Variants in HERC4 observed in about 807,000 individuals in gnomAD.
HERC4 encodes probable E3 ubiquitin-protein ligase HERC4.
A neutral mutation model predicts 124.3 loss-of-function variants in HERC4; 28 were observed. The ratio of observed to expected loss-of-function variants is 0.23; its 90% CI spans 0.17 to 0.31. HERC4 has a LOEUF of 0.31. Among genes scored for constraint, HERC4 ranks in the 10% least tolerant of loss-of-function variants. The pLI is 1.00. For synonymous variants in HERC4, 407 were observed against 421.5 expected (o/e 0.97, Z 0.42); for missense variants, 713 against 1,229.3 (o/e 0.58, Z 6.28).
chr10:68,017,045 T>C (rs1214541486), intron 8 of HERC4, among the ~76,000 whole-genome samples: 1 of 152,168 alleles, frequency 6.6e-6, no homozygotes, highest in Non-Finnish European at 1.5e-5. Context: ...TTGGGCTGTA[T>C]ATTATATTCC....
intron 23 of HERC4, among the ~76,000 whole-genome samples, chr10:67,927,430 A>ATATATATT (rs1564911511): frequency 1.6e-4 from 6 of 37,880 alleles, no homozygotes; most frequent in East Asian, 7.2e-4. Context: ...ATATATATAT[A>ATATATATT]TTTTTTTTTT....
chr10:68,065,658 G>A (rs952119661), intron 3 of HERC4, among the ~76,000 whole-genome samples: 1 of 152,012 alleles, frequency 6.6e-6, no homozygotes, highest in Non-Finnish European at 1.5e-5. Flanking sequence ...GGATCACTTC[G>A]AGACCAGCTT....
intron 1 of HERC4, chr10:68,074,203 G>A (rs1270477866): frequency 6.6e-6 from 1 of 152,136 alleles, no homozygotes; most frequent in Non-Finnish European, 1.5e-5. Context: ...CTATACATAC[G>A]TAGACTTTTA....
At chr10:68,011,242 G>C (rs990997404) in intron 9 of HERC4, among the ~76,000 whole-genome samples, 10 of 152,156 alleles carry the variant, frequency 6.6e-5, no homozygotes, top group African/African-American at 2.4e-4. Flanking sequence ...TGTAGAGACA[G>C]TGTCTCACTA....
chr10:68,002,958 T>C (rs796395455), intron 9 of HERC4, among the ~76,000 whole-genome samples: 2 of 152,044 alleles, frequency 1.3e-5, no homozygotes, highest in African/African-American at 4.8e-5. Context: ...ACATGAGACA[T>C]TGTGATACAG....
intron 3 of HERC4, among the ~76,000 whole-genome samples, chr10:68,066,821 C>T (rs2041326975): frequency 6.6e-6 from 1 of 152,108 alleles, no homozygotes; most frequent in African/African-American, 2.4e-5. Flanking sequence ...TTCTTCATAC[C>T]ACACAGAGTT....
At chr10:68,046,039 C>A (rs1473495605) in intron 3 of HERC4, among the ~76,000 whole-genome samples, 1 of 151,564 alleles carries the variant, frequency 6.6e-6, no homozygotes, top group Middle Eastern at 3.2e-3. Context: ...GTTTATTACA[C>A]TAATATCTCA....
rs1589326867 is a variant in HERC4 at position 68,014,893 on chromosome 10, G to A, written c.909-707C>T. Among the ~76,000 whole-genome samples, 4 of 152,228 alleles carry A rather than the reference G, an allele frequency of 2.6e-5. No homozygotes were observed. In the Middle Eastern group the frequency reaches 0.01, roughly 388 times the overall value. ...GAGATGGTTTTACTGAGGGGACATGGCATCTCCAGGTCTCACCCTTGTTTC... is the reference window on the plus strand; with the variant it reads ...GAGATGGTTTTACTGAGGGGACATGACATCTCCAGGTCTCACCCTTGTTTC... On this transcript the variant is annotated intron_variant, in intron 8 of 24. Transcript: ENST00000373700.
At chr10:68,013,928 A>G in intron 9 of HERC4, 98 bp downstream of exon 9, 3 of 1,033,032 alleles carry the variant, frequency 2.9e-6, no homozygotes, top group East Asian at 2.4e-5. Context: ...TTAACAATGT[A>G]TCTTGGAATT....
At chr10:67,958,075 G>A (rs2034263667) in intron 16 of HERC4, among the ~76,000 whole-genome samples, 1 of 152,122 alleles carries the variant, frequency 6.6e-6, no homozygotes, top group African/African-American at 2.4e-5. Context: ...CCAAAGTGCT[G>A]GGATTACAGG....
intron 22 of HERC4, among the ~76,000 whole-genome samples, chr10:67,934,950 A>G (rs1589126798): frequency 6.8e-6 from 1 of 147,888 alleles, no homozygotes; most frequent in Admixed American, 6.7e-5. Context: ...CATTCATTCC[A>G]ATTCTTTCAA....
intron 7 of HERC4, among the ~76,000 whole-genome samples, chr10:68,029,362 C>T (rs1025282529): frequency 1.3e-5 from 2 of 151,984 alleles, no homozygotes; most frequent in East Asian, 3.9e-4. Flanking sequence ...TGTGGTGATG[C>T]ATGCCTGTAG....
At chr10:67,995,519 C>A (rs1378157787) in intron 9 of HERC4, among the ~76,000 whole-genome samples, 1 of 150,430 alleles carries the variant, frequency 6.6e-6, no homozygotes, top group African/African-American at 2.4e-5. Context: ...TTAGGAACTT[C>A]CATTAATTTC....
At chr10:67,978,018 G>A (rs896836293) in intron 15 of HERC4, among the ~76,000 whole-genome samples, 5 of 149,726 alleles carry the variant, frequency 3.3e-5, no homozygotes, top group African/African-American at 1.2e-4. Flanking sequence ...GCTCACACTT[G>A]TAATCCCAGC....
At chr10:68,050,595 T>C (rs991333758) in intron 3 of HERC4, among the ~76,000 whole-genome samples, 1 of 152,172 alleles carries the variant, frequency 6.6e-6, no homozygotes, top group Non-Finnish European at 1.5e-5. Flanking sequence ...AACACACAAC[T>C]TGAGAATAAT....
At chr10:68,037,945 C>T in intron 5 of HERC4, 148 bp downstream of exon 5, 2 of 564,564 alleles carry the variant, frequency 3.5e-6, no homozygotes, top group Non-Finnish European at 3.1e-6. Flanking sequence ...GACTGACAAG[C>T]TAATTCTAAA....
chr10:68,000,932 G>A (rs916128680), intron 9 of HERC4, among the ~76,000 whole-genome samples: 10 of 152,180 alleles, frequency 6.6e-5, no homozygotes, highest in South Asian at 2.1e-4. Context: ...TCAAGCCACC[G>A]AGTTTGTGGT....
chr10:67,964,837 A>G (rs1484834498), intron 16 of HERC4: 1 of 151,748 alleles, frequency 6.6e-6, no homozygotes, highest in African/African-American at 2.4e-5. Context: ...CAATGGTGCA[A>G]TCTAAGCTCA....
intron 16 of HERC4, chr10:67,961,497 A>T (rs1487258203): frequency 6.6e-6 from 1 of 152,184 alleles, no homozygotes; most frequent in Admixed American, 6.6e-5. Flanking sequence ...AGTCAAAAAG[A>T]CCCTTGGCTG....
Sources: gnomAD v4.1 joint callset for allele counts (sites outside exome capture counted in the v4.1 genomes callset) on GRCh38, gnomAD v4.1.1 for gene constraint, MANE v1.5 for transcripts, NCBI Gene and HGNC (gene_info 2026-07-23, HGNC 2026-07-21) for gene names.